Variants in GPRIN2 observed in about 807,000 individuals in gnomAD.
The protein encoded by GPRIN2 is G protein-regulated inducer of neurite outgrowth 2.
In GPRIN2, 1 loss-of-function variant was observed where a neutral mutation model predicts 0.3. The observed-to-expected ratio is 3.90, with a 90% CI of 1.39 to 18.51. GPRIN2 has a LOEUF of 18.51. Among genes scored for constraint, GPRIN2 ranks in the 30% most tolerant of loss-of-function variants. The pLI, the probability that GPRIN2 is intolerant of heterozygous loss-of-function variation, is 0.11. For synonymous variants in GPRIN2, 361 were observed against 258.6 expected, an observed-to-expected ratio of 1.40 and a Z score of -3.80; for missense variants, 880 against 604.2, an observed-to-expected ratio of 1.46 and a Z score of -4.79.
In GPRIN2 at chr10:46,543,148, A is replaced by G. The variant is rs1453231561; in HGVS notation, c.*6212T>C. Reference sequence around the variant, plus strand: ...TTTTGGTTTGTGTCCAAAGAGGGGAAGGACAGGTGGAGAGAAAGGGCCTAG... The same window carrying G: ...TTTTGGTTTGTGTCCAAAGAGGGGAGGGACAGGTGGAGAGAAAGGGCCTAG... On this transcript the variant is annotated 3_prime_UTR_variant, in exon 3 of 3. Transcript: ENST00000374314. Among the ~76,000 whole-genome samples the G allele has an allele frequency of 1.3e-5, 2 of 152,308 alleles. No homozygotes were observed. The highest frequency in any genetic ancestry group is 4.8e-5 in the African/African-American group (2 of 41,488).
Position 46,549,420 on chromosome 10 carries a change from A to G in GPRIN2, c.1317T>C (p.Ala439=). ...TGGGGCGCCGCAGGGACTGCATGAC[A>G]GCCCGCAGTGGCCCCCTCCGGCCCT... ...SVEGRRGPLR[A]VMQSLRRPSC... The change falls in exon 3 of 3, where the codon GCT becomes GCC. Residue 439 remains alanine (A), a synonymous_variant. Transcript: ENST00000374314. 6.4e-7 allele frequency: 1 copy of G among 1,565,190 alleles called. No homozygotes were observed. Among genetic ancestry groups the G allele is most frequent in the Middle Eastern group, 1.7e-4 (1 of 5,856 alleles).
In GPRIN2 at chr10:46,550,605, G is replaced by T; in HGVS notation, c.132C>A (p.Ser44Arg). 6.3e-7 allele frequency: 1 copy of T among 1,587,402 alleles called. No individual in the cohort carries two copies. Among genetic ancestry groups the T allele is most frequent in the Non-Finnish European group, 8.6e-7 (1 of 1,167,148 alleles). ...EQRPELRKTASSTVWQAQLGE... is the reference protein window; with the variant it reads ...EQRPELRKTARSTVWQAQLGE... ...CCAGCTGGGCCTGCCACACGGTGCT[G>T]CTGGCAGTCTTGCGGAGCTCTGGCC... The change falls in exon 3 of 3, where the codon AGC becomes AGA. Residue 44 changes from serine to arginine, a missense_variant. By Grantham distance (110) the Ser-to-Arg change is moderately radical. Coordinates refer to ENST00000374314, the MANE Select transcript of GPRIN2 (RefSeq NM_001385282.1).
intron 2 of GPRIN2, among the ~76,000 whole-genome samples, chr10:46,551,162 G>T (rs1832210051): frequency 5.2e-5 from 8 of 152,416 alleles, no homozygotes; most frequent in Non-Finnish European, 8.8e-5. Flanking sequence ...CAACCAGCAC[G>T]GAAGCACTAT....
intron 2 of GPRIN2, 128 bp from the exon 3 acceptor site, chr10:46,550,870 T>A: frequency 9.4e-7 from 1 of 1,064,706 alleles, no homozygotes; most frequent in Non-Finnish European, 1.3e-6. Context: ...GCCTGACTGG[T>A]CAGAACCATA....
At position 46,549,358 on chromosome 10, in the gene GPRIN2, C is replaced by T. The variant is rs1198231590; in HGVS notation, c.*2G>A. 6.8e-7 allele frequency: 1 copy of T among 1,469,750 alleles called. No individual in the cohort carries two copies. Among genetic ancestry groups the T allele is most frequent in the South Asian group, 1.4e-5 (1 of 69,372 alleles). The allele number at this position is 1,469,750 out of a possible 1,614,324, so 91.0% of individuals were successfully genotyped here. ...CAGGCCAGCTCCAAGGGCCACAGCTCCTCACTCGGGGGCCGCGCCGGAGCA... is the reference window on the plus strand; with the variant it reads ...CAGGCCAGCTCCAAGGGCCACAGCTTCTCACTCGGGGGCCGCGCCGGAGCA... On this transcript the variant is annotated 3_prime_UTR_variant, in exon 3 of 3. Transcript: ENST00000374314.
rs1832960508 is a variant in GPRIN2 at position 46,545,089 on chromosome 10, G to A, written c.*4271C>T. ...TGCATTTAACTAACCAAGGCTGCTT[G>A]GCGTGAACAAAACTGAGACAGAGCA... On this transcript the variant is annotated 3_prime_UTR_variant, in exon 3 of 3. Transcript: ENST00000374314. Among the ~76,000 whole-genome samples, 2 of 152,430 alleles carry A rather than the reference G, an allele frequency of 1.3e-5. No individual in the cohort carries two copies. Among genetic ancestry groups the A allele is most frequent in the South Asian group, 4.1e-4 (2 of 4,834 alleles).
In GPRIN2 at chr10:46,550,477, C is replaced by A. The variant is rs1399322479; in HGVS notation, c.260G>T (p.Gly87Val). 2 of 1,611,128 alleles carry A rather than the reference C, an allele frequency of 1.2e-6. No homozygotes were observed. The highest frequency in any genetic ancestry group is 1.3e-5 in the African/African-American group (1 of 75,060). ...ASGPKARPSA[G>V]GHWWSSTVGN... ...CACAGTGCTGCTCCACCAGTGGCCT[C>A]CAGCACTGGGTCGCGCCTTGGGGCC... Residue 87 changes from glycine (G) to valine (V), a missense_variant, in exon 3 of 3, where the codon GGA (glycine) becomes GTA (valine). By Grantham distance (109) the Gly-to-Val change is moderately radical (BLOSUM62 -3). Coordinates refer to ENST00000374314, the MANE Select transcript of GPRIN2 (RefSeq NM_001385282.1).
chr10:46,550,779 T>A (rs1412003467), intron 2 of GPRIN2, 37 bp from the exon 3 acceptor site: 3 of 1,484,784 alleles, frequency 2.0e-6, no homozygotes, highest in African/African-American at 2.8e-5. Context: ...GGAGTTGAGT[T>A]GGGTGGCAGC....
upstream of GPRIN2, among the ~76,000 whole-genome samples, chr10:46,557,500 C>T (rs7095767): frequency 6.6e-6 from 1 of 151,912 alleles, no homozygotes; most frequent in Non-Finnish European, 1.5e-5. Flanking sequence ...GTCTCCCAGC[C>T]GCGGACCCCA....
At position 46,542,322 on chromosome 10, in the gene GPRIN2, A is replaced by G. The variant is rs2094146456; in HGVS notation, c.*7038T>C. Among the ~76,000 whole-genome samples, 3,358 of 150,336 alleles carry G rather than the reference A, an allele frequency of 0.022. No individual in the cohort carries two copies. Among genetic ancestry groups the G allele is most frequent in the African/African-American group, 0.08 (3,176 of 39,652 alleles). ...GGTGATATGCTTTGGCTGTGTCCCC[A>G]CCCAAAATCTCATCTTGAATTGTAA... On this transcript the variant is annotated 3_prime_UTR_variant, in exon 3 of 3. Coordinates refer to ENST00000374314, the MANE Select transcript of GPRIN2 (RefSeq NM_001385282.1).
Position 46,549,306 on chromosome 10 carries a change from C to A in GPRIN2, c.*54G>T. ...GCACGGAGCCCCCACCGTCCCTGGC[C>A]CAGGTCTAGGACTAAGTCAGTGGGC... is the stretch of plus-strand genomic sequence containing the variant. On this transcript the variant is annotated 3_prime_UTR_variant, in exon 3 of 3. Transcript: ENST00000374314. 1 of 1,447,074 alleles carries A rather than the reference C, an allele frequency of 6.9e-7. No homozygotes were observed. Among genetic ancestry groups the A allele is most frequent in the South Asian group, 1.5e-5 (1 of 67,030 alleles). The allele number at this position is 1,447,074 out of a possible 1,614,324, so 89.6% of individuals were successfully genotyped here. A position where few individuals can be genotyped will look rare whatever the true frequency, so the allele number is the denominator to read the frequency against.
chr10:46,552,669 A>C (rs1832106459), intron 2 of GPRIN2, among the ~76,000 whole-genome samples: 302 of 152,270 alleles, frequency 2.0e-3, no homozygotes, highest in African/African-American at 6.8e-3. Context: ...GGTAGGCACC[A>C]ATGGCATGTG....
chr10:46,551,575 C>T (rs1842614007), intron 2 of GPRIN2: 1 of 917,798 alleles, frequency 1.1e-6, no homozygotes. Flanking sequence ...TTTCTGTACC[C>T]CTGGGGACGG....
At chr10:46,551,429 G>C in intron 2 of GPRIN2, 1 of 985,528 alleles carries the variant, frequency 1.0e-6, no homozygotes. Flanking sequence ...TAGCTCCAGG[G>C]GCAAGGAGAG....
Position 46,544,713 on chromosome 10 carries a change from C to CCACCA in GPRIN2, c.*4642_*4646dup, listed in dbSNP as rs1842008200. Reference sequence around the variant, plus strand: ...GGTAAAAGTTGAGAAAGGGAAGTGGCCACCACAGAACCAGTTCTGCTGAGA... The same window carrying CCACCA: ...GGTAAAAGTTGAGAAAGGGAAGTGGCCACCACACCACAGAACCAGTTCTGCTGAGA... On this transcript the variant is annotated 3_prime_UTR_variant, in exon 3 of 3. Coordinates refer to ENST00000374314, the MANE Select transcript of GPRIN2 (RefSeq NM_001385282.1). Among the ~76,000 whole-genome samples, 1 of 152,312 alleles carries CCACCA rather than the reference C, an allele frequency of 6.6e-6. No homozygotes were observed. Among genetic ancestry groups the CCACCA allele is most frequent in the Admixed American group, 6.5e-5 (1 of 15,294 alleles).
rs1029692574 is a variant in GPRIN2, at chr10:46,556,608, G to A, written c.-228C>T. ...GCCAGAGCCGACCTGGCCTGGGCGCGAGACGCCGCCCGCCGCCGTCGGCCC... is the reference window on the plus strand; with the variant it reads ...GCCAGAGCCGACCTGGCCTGGGCGCAAGACGCCGCCCGCCGCCGTCGGCCC... On this transcript the variant is annotated 5_prime_UTR_variant, in exon 1 of 3. Coordinates refer to ENST00000374314, the MANE Select transcript of GPRIN2 (RefSeq NM_001385282.1). 3.3e-5 allele frequency among the ~76,000 whole-genome samples: 5 copies of A among 151,972 alleles called. No homozygotes were observed. The highest frequency in any genetic ancestry group is 3.3e-4 in the Admixed American group (5 of 15,238).
chr10:46,554,550 A>G (rs953388289), intron 2 of GPRIN2, 35 bp downstream of exon 2: 1 of 152,866 alleles, frequency 6.5e-6, no homozygotes, highest in Non-Finnish European at 1.5e-5. Flanking sequence ...GGCATACAGA[A>G]GTATCCAAGA....
chr10:46,556,721 G>A (rs1232427561), upstream of GPRIN2, among the ~76,000 whole-genome samples: 3 of 152,150 alleles, frequency 2.0e-5, no homozygotes, highest in Non-Finnish European at 2.9e-5. Context: ...CGGAGACCTC[G>A]CTCACCTGGG....
At chr10:46,555,074 C>A (rs1831946596) in intron 1 of GPRIN2, among the ~76,000 whole-genome samples, 1 of 152,308 alleles carries the variant, frequency 6.6e-6, no homozygotes, top group Admixed American at 6.5e-5. Flanking sequence ...AGTCTCCCGG[C>A]AGCTGGGATT....
Sources: allele counts gnomAD v4.1 joint callset (sites outside exome capture counted in the v4.1 genomes callset), GRCh38; gene constraint gnomAD v4.1.1; transcripts MANE v1.5; gene names NCBI Gene and HGNC (gene_info 2026-07-23, HGNC 2026-07-21).